The following NXF1 variants were observed in gnomAD, a reference collection of about 807,000 sequenced individuals.
NXF1 encodes the protein nuclear RNA export factor 1, also known as mRNA export factor TAP.
Under a neutral mutation model 92.4 loss-of-function variants are expected in NXF1, and 43 were observed. That is an observed-to-expected ratio of 0.47 (90% CI 0.36 to 0.60). The LOEUF is 0.60. NXF1 is among the 20% of genes least tolerant of loss of function. NXF1 has a pLI of 0.00. For synonymous variants in NXF1, 288 were observed against 292.2 expected, an observed-to-expected ratio of 0.99 and a Z score of 0.15; for missense variants, 576 against 793.0, an observed-to-expected ratio of 0.73 and a Z score of 3.29.
At chr11:62,798,843 C>G (rs879921272) in intron 10 of NXF1, 9 of 1,273,208 alleles carry the variant, frequency 7.1e-6, no homozygotes, top group Non-Finnish European at 8.9e-6. Flanking sequence ...GGCTTTAAGC[C>G]CAGGACCTCT....
chr11:62,797,278 C>G (rs922221483), intron 12 of NXF1, 40 bp from the exon 13 acceptor site: 1 of 1,614,004 alleles, frequency 6.2e-7, no homozygotes, highest in Non-Finnish European at 8.5e-7. Flanking sequence ...AAGCAGTATT[C>G]TCTCCACACA....
intron 1 of NXF1, chr11:62,805,016 A>G: frequency 3.3e-6 from 1 of 302,260 alleles, no homozygotes; most frequent in Non-Finnish European, 6.0e-6. Flanking sequence ...CAGGGCACTC[A>G]CTCACATTAA....
At chr11:62,796,397 G>A (rs1417302267) in intron 14 of NXF1, 52 bp from the exon 15 acceptor site, 3 of 1,610,568 alleles carry the variant, frequency 1.9e-6, no homozygotes, top group Non-Finnish European at 1.7e-6. Context: ...CTGCCAGCAG[G>A]TGTGCCCTGT....
At chr11:62,796,415 G>A (rs1441152874) in intron 14 of NXF1, 45 bp downstream of exon 14, 2 of 1,612,492 alleles carry the variant, frequency 1.2e-6, no homozygotes, top group Non-Finnish European at 1.7e-6. Flanking sequence ...TGTATCTGCT[G>A]GGAAACCCAG....
In NXF1 at chr11:62,796,090, G is replaced by A. The variant is rs1303431827; in HGVS notation, c.1437C>T (p.Phe479=). The change falls in exon 16 of 21, where the codon TTC becomes TTT. Residue 479 remains phenylalanine, a synonymous_variant. Coordinates refer to ENST00000294172, the MANE Select transcript of NXF1 (RefSeq NM_006362.5). The part of the protein sequence containing the change: ...LPKTQHDVNS[F]VVDISAQTST... Reference sequence around the variant, plus strand: ...CTGTCTGGGCGCTTATGTCTACCACGAAGGAATTGACGTCGTGCTGGGTTT... The same window carrying A: ...CTGTCTGGGCGCTTATGTCTACCACAAAGGAATTGACGTCGTGCTGGGTTT... 9 of 1,613,268 alleles carry A rather than the reference G, an allele frequency of 5.6e-6. No individual in the cohort carries two copies. The highest frequency in any genetic ancestry group is 1.7e-5 in the Admixed American group (1 of 59,880).
At chr11:62,801,669 G>C (rs183380305) in intron 6 of NXF1, 38 bp from the exon 7 acceptor site, 4 of 1,611,294 alleles carry the variant, frequency 2.5e-6, no homozygotes, top group East Asian at 2.2e-5. Context: ...CACTGGGTTT[G>C]TGTGTGGGGG....
chr11:62,801,367 C>T lies in NXF1; in HGVS notation c.760G>A (p.Ala254Thr). The T allele has an allele frequency of 6.2e-7, 1 of 1,614,128 alleles. No individual in the cohort carries two copies. Among genetic ancestry groups the T allele is most frequent in the Admixed American group, 1.7e-5 (1 of 60,020 alleles). The change falls in exon 8 of 21, where the codon GCA (alanine) becomes ACA (threonine). Residue 254 changes from alanine to threonine, a missense_variant. Physicochemically the swap from Ala to Thr is moderately conservative, Grantham distance 58. Coordinates refer to ENST00000294172, the MANE Select transcript of NXF1 (RefSeq NM_006362.5). ...DVVLNRRSCMAATLRIIEENI... is the reference protein window; with the variant it reads ...DVVLNRRSCMTATLRIIEENI... ...TCTTCAATGATCCTCAGGGTAGCTG[C>T]CATACAGCTTCTGCGATTCAGGACA... is the stretch of plus-strand genomic sequence containing the variant.
intron 1 of NXF1, 35 bp downstream of exon 1, chr11:62,805,294 G>C (rs370898387): frequency 1.9e-5 from 31 of 1,589,940 alleles, no homozygotes; most frequent in African/African-American, 2.8e-5. Context: ...CCGCGCCCCA[G>C]ATAGCCAGTT....
chr11:62,801,676 G>T (rs2084480261), intron 6 of NXF1, 45 bp from the exon 7 acceptor site: 9 of 1,606,294 alleles, frequency 5.6e-6, no homozygotes, highest in Non-Finnish European at 7.7e-6. Context: ...TTTGTGTGTG[G>T]GGGGTGGGGG....
chr11:62,800,352 AG>A (rs2084465594), intron 10 of NXF1, 24 bp downstream of exon 10: 3 of 1,613,818 alleles, frequency 1.9e-6, no homozygotes, highest in Non-Finnish European at 2.5e-6. Flanking sequence ...GGTCCCCAGG[AG>A]GGGAGACACA....
At chr11:62,803,049 G>A (rs370707760) in intron 3 of NXF1, among the ~76,000 whole-genome samples, 19 of 152,230 alleles carry the variant, frequency 1.2e-4, no homozygotes, top group African/African-American at 4.1e-4. Flanking sequence ...GGCTGGGTGC[G>A]GTGGCTCATG....
chr11:62,805,225 C>A, intron 1 of NXF1, 104 bp downstream of exon 1: 1 of 1,144,122 alleles, frequency 8.7e-7, no homozygotes, highest in Non-Finnish European at 1.1e-6. Context: ...TCCCCGCGGA[C>A]GCCGGGCCCC....
intron 18 of NXF1, 177 bp downstream of exon 18, chr11:62,794,758 C>A: frequency 1.6e-6 from 1 of 629,862 alleles, no homozygotes; most frequent in South Asian, 2.1e-5. Context: ...AGGATGAAAA[C>A]CCAGACGGTA....
chr11:62,803,717 A>T, intron 2 of NXF1, 75 bp downstream of exon 2: 2 of 1,557,542 alleles, frequency 1.3e-6, no homozygotes, highest in South Asian at 2.3e-5. Flanking sequence ...GTGGGAAAGG[A>T]AATGACATGG....
intron 6 of NXF1, 39 bp downstream of exon 6, chr11:62,801,699 TA>T: frequency 6.2e-7 from 1 of 1,606,042 alleles, no homozygotes; most frequent in Non-Finnish European, 8.5e-7. Flanking sequence ...TGAGAAGTAG[TA>T]AGACTGGGTT....
At position 62,794,453 on chromosome 11, in the gene NXF1, G is replaced by C; in HGVS notation, c.1578-13C>G. On this transcript the variant is annotated splice_polypyrimidine_tract_variant and intron_variant, in intron 18 of 20. Transcript: ENST00000294172. ...TACAATACATAGCCTTGAGGACAAAGAGCACTTAAAAAGCTAGACAGAGAT... is the reference window on the plus strand; with the variant it reads ...TACAATACATAGCCTTGAGGACAAACAGCACTTAAAAAGCTAGACAGAGAT... The C allele has an allele frequency of 1.2e-6, 2 of 1,600,864 alleles. No homozygotes were observed. Among genetic ancestry groups the C allele is most frequent in the Non-Finnish European group, 1.7e-6 (2 of 1,169,004 alleles).
intron 10 of NXF1, chr11:62,798,952 T>C (rs2084449716): frequency 1.9e-6 from 2 of 1,051,972 alleles, no homozygotes; most frequent in Non-Finnish European, 2.3e-6. Flanking sequence ...CCTCACCAGG[T>C]ATCCATCAGT....
chr11:62,796,681 C>T (rs564528629), intron 13 of NXF1, 114 bp from the exon 14 acceptor site: 66 of 709,134 alleles, frequency 9.3e-5, no homozygotes, highest in Middle Eastern at 3.9e-4. Context: ...CCTGTAATCC[C>T]AGCACTTTGG....
chr11:62,795,109 A>G (rs2084406732), intron 17 of NXF1, 102 bp from the exon 18 acceptor site: 1 of 1,132,168 alleles, frequency 8.8e-7, no homozygotes, highest in Non-Finnish European at 1.3e-6. Context: ...CTAGCAAGTC[A>G]GAGAGGAATG....
Sources: allele counts gnomAD v4.1 joint callset (sites outside exome capture counted in the v4.1 genomes callset), GRCh38; gene constraint gnomAD v4.1.1; transcripts MANE v1.5; gene names NCBI Gene and HGNC (gene_info 2026-07-23, HGNC 2026-07-21).